The following DPYD variants were observed in gnomAD, a reference collection of about 807,000 sequenced individuals.
The protein encoded by DPYD is dihydropyrimidine dehydrogenase, also known as dihydropyrimidine dehydrogenase [NADP(+)].
A neutral mutation model predicts 116.2 loss-of-function variants in DPYD; 109 were observed. The ratio of observed to expected loss-of-function variants is 0.94; its 90% confidence interval spans 0.80 to 1.10. DPYD has a LOEUF of 1.10. Ranked by LOEUF, DPYD falls within the 50% of genes least tolerant of loss-of-function variation. The pLI, the probability that DPYD is intolerant of heterozygous loss-of-function variation, is 0.00. For synonymous variants in DPYD, 440 were observed against 432.0 expected (o/e 1.02, Z -0.23); for missense variants, 1,302 against 1,254.5 (o/e 1.04, Z -0.57).
chr1:97,854,327 C>T (rs921180926), intron 2 of DPYD, among the ~76,000 whole-genome samples: 1 of 152,132 alleles, frequency 6.6e-6, no homozygotes, highest in Non-Finnish European at 1.5e-5. Flanking sequence ...TAATATCATA[C>T]ATCAATTTCC....
intron 3 of DPYD, among the ~76,000 whole-genome samples, chr1:97,749,375 A>G (rs902106928): frequency 2.4e-4 from 37 of 152,192 alleles, no homozygotes; most frequent in Non-Finnish European, 4.3e-4. Flanking sequence ...TGTTCAGTCC[A>G]ACCATTTTTA....
At chr1:97,543,454 A>C (rs1650598252) in intron 12 of DPYD, among the ~76,000 whole-genome samples, 1 of 152,192 alleles carries the variant, frequency 6.6e-6, no homozygotes, top group African/African-American at 2.4e-5. Context: ...ATTTATCTGA[A>C]AATGCATATT....
chr1:97,659,410 G>A (rs1207083039), intron 8 of DPYD, among the ~76,000 whole-genome samples: 1 of 152,130 alleles, frequency 6.6e-6, no homozygotes, highest in African/African-American at 2.4e-5. Context: ...CTGTACATTT[G>A]TATAAGAGTG....
At chr1:97,323,416 G>A (rs1472602465) in intron 16 of DPYD, among the ~76,000 whole-genome samples, 2 of 81,636 alleles carry the variant, frequency 2.4e-5, no homozygotes, top group African/African-American at 7.4e-5. Context: ...ATATGTACAC[G>A]TATATATACA....
intron 13 of DPYD, among the ~76,000 whole-genome samples, chr1:97,478,999 C>T (rs971560619): frequency 1.1e-4 from 16 of 152,178 alleles, no homozygotes; most frequent in African/African-American, 2.4e-4. Context: ...AATTGGAGCA[C>T]GTCAAGGCCT....
At chr1:97,184,262 G>C (rs1570622556) in intron 20 of DPYD, among the ~76,000 whole-genome samples, 1 of 152,032 alleles carries the variant, frequency 6.6e-6, no homozygotes, top group Non-Finnish European at 1.5e-5. Context: ...AATGATTTAT[G>C]TTCCTTTGGG....
intron 15 of DPYD, among the ~76,000 whole-genome samples, chr1:97,375,390 C>A (rs1223369360): frequency 1.3e-5 from 2 of 152,120 alleles, no homozygotes; most frequent in East Asian, 1.9e-4. Flanking sequence ...AGTCATTAAT[C>A]GGTTGATAGT....
chr1:97,161,204 C>A (rs1655870063), intron 20 of DPYD, among the ~76,000 whole-genome samples: 1 of 152,092 alleles, frequency 6.6e-6, no homozygotes, highest in South Asian at 2.1e-4. Context: ...AGGATTTTTC[C>A]CTTAAATAAA....
At chr1:97,507,885 A>G (rs368069985) in intron 13 of DPYD, among the ~76,000 whole-genome samples, 2 of 152,168 alleles carry the variant, frequency 1.3e-5, no homozygotes, top group East Asian at 3.9e-4. Flanking sequence ...GAAAAGAAAA[A>G]CAGAACTATT....
intron 3 of DPYD, among the ~76,000 whole-genome samples, chr1:97,799,348 C>T (rs1044866467): frequency 5.9e-5 from 9 of 151,862 alleles, no homozygotes; most frequent in Non-Finnish European, 1.2e-4. Flanking sequence ...TTGAGAAACA[C>T]AAATGATGAC....
At chr1:97,303,745 C>T (rs906876615) in intron 18 of DPYD, among the ~76,000 whole-genome samples, 2 of 151,932 alleles carry the variant, frequency 1.3e-5, no homozygotes, top group Middle Eastern at 3.2e-3. Flanking sequence ...GGTACAAGTC[C>T]TTTAAAATGT....
chr1:97,485,941 A>G lies in DPYD; in HGVS notation c.1740+29785T>C, dbSNP rs114669063. Among the ~76,000 whole-genome samples the G allele has an allele frequency of 7.9e-3, 1,197 of 152,314 alleles. 24 individuals are homozygous for G. The highest frequency in any genetic ancestry group is 0.027 in the African/African-American group (1,143 of 41,566). ...AGTTTTAAAAAATTGATATTGCAAT[A>G]TTTAAATGAATGATATTGCAATATT... On this transcript the variant is annotated intron_variant, in intron 13 of 22. Transcript: ENST00000370192.
intron 8 of DPYD, 85 bp downstream of exon 8, chr1:97,679,010 G>C (rs761682726): frequency 2.2e-5 from 13 of 599,590 alleles, no homozygotes; most frequent in Non-Finnish European, 3.4e-5. Flanking sequence ...TCACGAAAAT[G>C]TCTGAAGGCA....
intron 18 of DPYD, among the ~76,000 whole-genome samples, chr1:97,289,514 G>A (rs921258451): frequency 5.3e-5 from 8 of 151,470 alleles, no homozygotes; most frequent in African/African-American, 1.9e-4. Context: ...TCATCCCTGG[G>A]ATGCAAGGCT....
chr1:97,122,110 AG>A (rs1185365570), intron 20 of DPYD, among the ~76,000 whole-genome samples: 1 of 152,178 alleles, frequency 6.6e-6, no homozygotes, highest in Non-Finnish European at 1.5e-5. Flanking sequence ...TGTTAAGGGA[AG>A]CAGAATGCAT....
intron 14 of DPYD, among the ~76,000 whole-genome samples, chr1:97,418,684 AT>A (rs1674415588): frequency 6.6e-6 from 1 of 152,206 alleles, no homozygotes; most frequent in Non-Finnish European, 1.5e-5. Flanking sequence ...CAACATAAAT[AT>A]ATCAATGAAA....
intron 2 of DPYD, among the ~76,000 whole-genome samples, chr1:97,874,862 T>C (rs1202150662): frequency 1.3e-5 from 2 of 152,066 alleles, no homozygotes; most frequent in African/African-American, 4.8e-5. Flanking sequence ...ATTTTTAAGA[T>C]ATGTTATTTT....
chr1:97,835,663 A>G (rs1356617094), intron 2 of DPYD, among the ~76,000 whole-genome samples: 1 of 152,132 alleles, frequency 6.6e-6, no homozygotes, highest in Non-Finnish European at 1.5e-5. Context: ...GTTTGTTTGC[A>G]TAATGTATGG....
At position 97,721,586 on chromosome 1, in the gene DPYD, C is replaced by G. The variant is rs2101026394; in HGVS notation, c.407G>C (p.Cys136Ser). The G allele has an allele frequency of 6.2e-7, 1 of 1,611,872 alleles. No homozygotes were observed. The highest frequency in any genetic ancestry group is 1.3e-5 in the African/African-American group (1 of 74,862). The change falls in exon 5 of 23, where the codon TGT (cysteine) becomes TCT (serine). Residue 136 changes from cysteine to serine, a missense_variant. By Grantham distance (112) the Cys-to-Ser change is moderately radical (BLOSUM62 -1). Transcript: ENST00000370192. The part of the protein sequence containing the change: ...CGMVCPTSDL[C>S]VGGCNLYATE... The stretch of plus-strand genomic sequence containing the variant: ...GGCATATAAATTGCATCCACCTACA[C>G]AAAGATCAGAGGTTGGACATACCAT...
Sources: allele counts gnomAD v4.1 joint callset (sites outside exome capture counted in the v4.1 genomes callset), GRCh38; gene constraint gnomAD v4.1.1; transcripts MANE v1.5; gene names NCBI Gene and HGNC (gene_info 2026-07-23, HGNC 2026-07-21).